Variants in MCCC1 observed in about 807,000 individuals in gnomAD.
The protein encoded by MCCC1 is methylcrotonyl-CoA carboxylase subunit 1.
MCCC1 carries 64 observed loss-of-function variants against 83.8 expected under a neutral mutation model. The ratio of observed to expected loss-of-function variants is 0.76; its 90% confidence interval spans 0.62 to 0.94. MCCC1 has a LOEUF of 0.94. Ranked by LOEUF, MCCC1 falls within the 40% of genes least tolerant of loss-of-function variation. MCCC1 has a pLI of 0.00. For missense variants in MCCC1, 807 were observed against 904.7 expected (o/e 0.89, Z 1.39); for synonymous variants, 322 against 315.4 (o/e 1.02, Z -0.22).
intron 5 of MCCC1, 83 bp from the exon 6 acceptor site, chr3:183,071,440 TA>T: frequency 3.8e-6 from 6 of 1,581,494 alleles, no homozygotes; most frequent in Non-Finnish European, 5.2e-6. Context: ...GCCCAGTCTA[TA>T]AATTACAATG....
rs1481354808 is a variant in MCCC1 at position 183,064,572 on chromosome 3, G to C, written c.761+6427C>G. 6.6e-6 allele frequency among the ~76,000 whole-genome samples: 1 copy of C among 152,152 alleles called. No individual in the cohort carries two copies. The highest frequency in any genetic ancestry group is 1.9e-4 in the East Asian group (1 of 5,182). On this transcript the variant is annotated intron_variant, in intron 7 of 18. Coordinates refer to ENST00000265594, the MANE Select transcript of MCCC1 (RefSeq NM_020166.5). This position sits in a 1 kb window ranked among gnomAD's most constrained non-coding sequence, Gnocchi z 4.5. ...AGCACGGGCCAGGCGCACAAGTGCA[G>C]CACCAGCGGGCTGCACGCCAGCTCC...
intron 13 of MCCC1, among the ~76,000 whole-genome samples, chr3:183,036,955 G>A (rs796564933): frequency 5.3e-5 from 8 of 152,246 alleles, no homozygotes; most frequent in African/African-American, 1.9e-4. Context: ...TTACAGACGT[G>A]AGCCACCGCG....
chr3:183,104,264 A>AGAGC (rs988337128), upstream of MCCC1, among the ~76,000 whole-genome samples: 2 of 152,174 alleles, frequency 1.3e-5, no homozygotes, highest in African/African-American at 2.4e-5. Context: ...AGAGGCGCCG[A>AGAGC]GAGCGAGCGA....
chr3:183,022,000 C>G (rs1560204260), intron 16 of MCCC1, among the ~76,000 whole-genome samples: 2 of 152,068 alleles, frequency 1.3e-5, no homozygotes, highest in Admixed American at 6.6e-5. Flanking sequence ...CAAGGAACAA[C>G]TGGTCCACAG....
At chr3:183,050,331 T>C (rs1383434354) in intron 9 of MCCC1, among the ~76,000 whole-genome samples, 2 of 152,178 alleles carry the variant, frequency 1.3e-5, no homozygotes, top group African/African-American at 2.4e-5. Context: ...GATGACTTTT[T>C]ATATACAACA....
At chr3:183,038,362 T>C (rs1713797831) in intron 12 of MCCC1, among the ~76,000 whole-genome samples, 1 of 152,034 alleles carries the variant, frequency 6.6e-6, no homozygotes, top group African/African-American at 2.4e-5. Context: ...TTCTGGAAGA[T>C]TGGACAGGAA....
rs141406111 is a variant in MCCC1, at chr3:183,033,991, T to C, written c.1681A>G (p.Asn561Asp). 1.9e-6 allele frequency: 3 copies of C among 1,590,912 alleles called. No homozygotes were observed. Among genetic ancestry groups the C allele is most frequent in the African/African-American group, 2.7e-5 (2 of 74,562 alleles). Residue 561 changes from asparagine to aspartate, a missense_variant and splice_region_variant, in exon 14 of 19, where the codon AAT becomes GAT. Coordinates refer to ENST00000265594, the MANE Select transcript of MCCC1 (RefSeq NM_020166.5). ...RNMTLKDGKN[N>D]VAIAVTYNHD... ...TCTCTTTTAATGAAACATTACTTAC[T>C]GTTTTTACCATCTTTAAGAGTCATG...
intron 12 of MCCC1, 100 bp downstream of exon 12, chr3:183,038,926 A>C (rs967516534): frequency 1.8e-6 from 2 of 1,081,292 alleles, no homozygotes; most frequent in Admixed American, 1.8e-5. Flanking sequence ...ATGGAAATAG[A>C]AAATATGCTG....
chr3:183,106,318 A>G (rs1426351496), intron 1 of MCCC1, among the ~76,000 whole-genome samples: 3 of 152,160 alleles, frequency 2.0e-5, no homozygotes, highest in African/African-American at 7.2e-5. Flanking sequence ...ATTCCAAAAT[A>G]AATATCTTTT....
chr3:183,099,003 C>G lies in MCCC1; in HGVS notation c.89+349G>C, dbSNP rs561911896. 9.2e-6 allele frequency: 4 copies of G among 434,786 alleles called. No homozygotes were observed. In the East Asian group the frequency reaches 1.3e-4, roughly 14 times the overall value. 26.9% of individuals were successfully genotyped at this position (434,786 alleles called of 1,614,324 possible). Reference sequence around the variant, plus strand: ...CTTCCCCGGAACCGGATTATAACAACGCTCCCACCTAAGGGGTGCTGCGAA... The same window carrying G: ...CTTCCCCGGAACCGGATTATAACAAGGCTCCCACCTAAGGGGTGCTGCGAA... On this transcript the variant is annotated intron_variant, in intron 1 of 18. Transcript: ENST00000265594.
At chr3:183,065,190 T>C (rs998514902) in intron 7 of MCCC1, among the ~76,000 whole-genome samples, 3 of 151,992 alleles carry the variant, frequency 2.0e-5, no homozygotes, top group Admixed American at 6.6e-5. Context: ...TAGTCAGTTA[T>C]AAACTTTGCT....
intron 8 of MCCC1, among the ~76,000 whole-genome samples, chr3:183,053,674 AGG>A (rs1715171240): frequency 2.7e-5 from 4 of 149,906 alleles, no homozygotes; most frequent in Admixed American, 2.7e-4. Flanking sequence ...GTGTGGTGGC[AGG>A]CGCCTGTAGT....
intron 9 of MCCC1, among the ~76,000 whole-genome samples, chr3:183,047,739 G>T (rs928211357): frequency 5.3e-5 from 8 of 151,412 alleles, no homozygotes; most frequent in Admixed American, 4.6e-4. Flanking sequence ...GTATGGCAGG[G>T]AAAGAACCTC....
At position 183,041,634 on chromosome 3, in the gene MCCC1, G is replaced by T; in HGVS notation, c.1200C>A (p.Gly400=). The T allele has an allele frequency of 6.2e-7, 1 of 1,614,036 alleles. No homozygotes were observed. Among genetic ancestry groups the T allele is most frequent in the South Asian group, 1.1e-5 (1 of 91,086 alleles). ...GAGGAGTAGAGAGGTGCACTAATGG[G>T]CCTGCCACAGGCATGAAGTTATTGC... ...DPSNNFMPVA[G]PLVHLSTPRA... The change falls in exon 11 of 19, where the codon GGC becomes GGA. Residue 400 remains glycine, a synonymous_variant. Coordinates refer to ENST00000265594, the MANE Select transcript of MCCC1 (RefSeq NM_020166.5).
At chr3:183,103,688 G>C (rs945796373), upstream of MCCC1, among the ~76,000 whole-genome samples, 2 of 152,370 alleles carry the variant, frequency 1.3e-5, no homozygotes, top group South Asian at 2.1e-4. Flanking sequence ...GCTTCACCCA[G>C]TGGGTCCGGC....
rs1213361663 is a variant in MCCC1, at chr3:183,099,274, G to T, written c.89+78C>A. 11 of 1,501,766 alleles carry T rather than the reference G, an allele frequency of 7.3e-6. No homozygotes were observed. The highest frequency in any genetic ancestry group is 8.1e-6 in the Non-Finnish European group (9 of 1,113,486). The allele number at this position is 1,501,766 out of a possible 1,614,324, so 93.0% of individuals were successfully genotyped here. On this transcript the variant is annotated intron_variant, in intron 1 of 18. Transcript: ENST00000265594. The stretch of plus-strand genomic sequence containing the variant: ...CCCCACACCGACCCTGGGTTCCGCC[G>T]CACCTCCCACCGCTCACGCGGGTCC...
At position 183,015,583 on chromosome 3, in the gene MCCC1, C is replaced by G. The variant is rs371009096; in HGVS notation, c.2050-17G>C. 38 of 1,613,882 alleles carry G rather than the reference C, an allele frequency of 2.4e-5. No individual in the cohort carries two copies. Among genetic ancestry groups the G allele is most frequent in the Non-Finnish European group, 5.9e-6 (7 of 1,179,968 alleles). On this transcript the variant is annotated splice_polypyrimidine_tract_variant and intron_variant, in intron 18 of 18. Transcript: ENST00000265594. ...TATGGTATGCTGCAGAGACACATGA[C>G]AGGACAAATGATAGCTGCAATACTA... is the stretch of plus-strand genomic sequence containing the variant.
intron 6 of MCCC1, 25 bp downstream of exon 6, chr3:183,071,185 C>CA: frequency 6.2e-7 from 1 of 1,614,136 alleles, no homozygotes. Flanking sequence ...CCTGAATTGG[C>CA]AAACACAAGC....
At chr3:183,095,505 T>A (rs1186606920) in intron 1 of MCCC1, among the ~76,000 whole-genome samples, 1 of 152,060 alleles carries the variant, frequency 6.6e-6, no homozygotes, top group Non-Finnish European at 1.5e-5. Context: ...CTCATCCGAG[T>A]CCCTCCAATG....
Sources: gnomAD v4.1 joint callset for allele counts (sites outside exome capture counted in the v4.1 genomes callset) on GRCh38, gnomAD v4.1.1 for gene constraint, Gnocchi (gnomAD v3.1) non-coding constraint, MANE v1.5 for transcripts, NCBI Gene and HGNC (gene_info 2026-07-23, HGNC 2026-07-21) for gene names.